Variants in TELO2 observed in about 807,000 individuals in gnomAD.
The protein encoded by TELO2 is telomere length regulation protein TEL2 homolog.
TELO2 carries 71 observed loss-of-function variants against 91.0 expected under a neutral mutation model. The ratio of observed to expected loss-of-function variants is 0.78; its 90% CI spans 0.64 to 0.95. The LOEUF (loss-of-function observed/expected upper bound fraction) is 0.95. Among genes scored for constraint, TELO2 ranks in the 40% least tolerant of loss-of-function variants. The probability of loss-of-function intolerance (pLI) is 0.00; values close to 1 mark genes in which losing one functional copy is unlikely to be tolerated. For synonymous variants in TELO2, 584 were observed against 518.9 expected, an observed-to-expected ratio of 1.13 and a Z score of -1.71; for missense variants, 1,183 against 1,141.3, an observed-to-expected ratio of 1.04 and a Z score of -0.53.
intron 3 of TELO2, among the ~76,000 whole-genome samples, chr16:1,496,084 G>A (rs72779272): frequency 0.31 from 47,241 of 152,176 alleles, 7,528 homozygotes; most frequent in Non-Finnish European, 0.35. Context: ...TGGGCCGGGG[G>A]CCTGCACAGC....
At position 1,494,567 on chromosome 16, in the gene TELO2, G is replaced by T; in HGVS notation, c.286G>T (p.Ala96Ser). Residue 96 changes from alanine to serine, a missense_variant, in exon 2 of 21, where the codon GCG becomes TCG. Transcript: ENST00000262319. The surrounding 1 kb of genome is among the most constrained non-coding windows in gnomAD (Gnocchi z 5.6). ...LWASFFLEGPADQAFLVLMET... is the reference protein window; with the variant it reads ...LWASFFLEGPSDQAFLVLMET... ...GGCCAGCTTCTTCCTGGAGGGCCCG[G>T]CGGACCAAGCCTTCCTGGTGTTGAT... 2 of 1,613,564 alleles carry T rather than the reference G, an allele frequency of 1.2e-6. No individual in the cohort carries two copies. Among genetic ancestry groups the T allele is most frequent in the Non-Finnish European group, 1.7e-6 (2 of 1,179,950 alleles).
At chr16:1,509,756 C>A in intron 20 of TELO2, 74 bp from the exon 21 acceptor site, 1 of 1,409,472 alleles carries the variant, frequency 7.1e-7, no homozygotes, top group Non-Finnish European at 9.7e-7. Flanking sequence ...CTGGTTCAGG[C>A]AGACTGAAGA....
At chr16:1,496,810 A>G (rs1035517454) in intron 3 of TELO2, among the ~76,000 whole-genome samples, 1 of 152,218 alleles carries the variant, frequency 6.6e-6, no homozygotes, top group African/African-American at 2.4e-5. Context: ...CGTGACGATT[A>G]AGTGGGCTAA....
chr16:1,505,656 A>AT lies in TELO2; in HGVS notation c.2034+55_2034+56insT. 8 of 1,436,290 alleles carry AT rather than the reference A, an allele frequency of 5.6e-6. No individual in the cohort carries two copies. The highest frequency in any genetic ancestry group is 7.6e-6 in the Non-Finnish European group (8 of 1,046,414). 89.0% of individuals were successfully genotyped at this position (1,436,290 alleles called of 1,614,324 possible). A position where few individuals can be genotyped will look rare whatever the true frequency, so the allele number is the denominator to read the frequency against. On this transcript the variant is annotated intron_variant, in intron 16 of 20. Transcript: ENST00000262319. This position sits in a 1 kb window ranked among gnomAD's most constrained non-coding sequence, Gnocchi z 4.3. The stretch of plus-strand genomic sequence containing the variant: ...GCATGGGGACCGTGGGTGGGTGGGA[A>AT]GGGCGGTCAGACACCTCCAGGCGCT...
At chr16:1,506,582 G>T (rs1163594763) in intron 17 of TELO2, 1 of 1,406,680 alleles carries the variant, frequency 7.1e-7, no homozygotes, top group Non-Finnish European at 9.2e-7. Flanking sequence ...AGTGCCGCCC[G>T]CACGTGCCCG....
intron 18 of TELO2, 23 bp from the exon 19 acceptor site, chr16:1,507,283 A>G (rs1286819528): frequency 1.9e-6 from 3 of 1,605,622 alleles, no homozygotes; most frequent in Non-Finnish European, 2.5e-6. Flanking sequence ...GACCCCACTG[A>G]CTGTCCCTCT....
chr16:1,496,635 C>T (rs550036602), intron 3 of TELO2, among the ~76,000 whole-genome samples: 3 of 152,306 alleles, frequency 2.0e-5, no homozygotes, highest in East Asian at 1.9e-4. Flanking sequence ...CCCTGGAGTG[C>T]GCTCCTTCCC....
Position 1,494,375 on chromosome 16 carries a change from C to T in TELO2, c.94C>T (p.Leu32=), listed in dbSNP as rs762117786. ...GGATGGCGGCCACATCTTCTGCACC[C>T]TGGAGTCCCTGAAGCGGTATCTCGG... ...SEDGGHIFCT[L]ESLKRYLGEM... is the part of the protein sequence containing the mutation. Residue 32 remains leucine, a synonymous_variant, in exon 2 of 21, where the codon CTG becomes TTG. Transcript: ENST00000262319. The surrounding 1 kb of genome is among the most constrained non-coding windows in gnomAD (Gnocchi z 5.6). 1 of 1,613,496 alleles carries T rather than the reference C, an allele frequency of 6.2e-7. No individual in the cohort carries two copies. The highest frequency in any genetic ancestry group is 1.3e-5 in the African/African-American group (1 of 74,882).
chr16:1,507,558 G>A (rs1254117710), intron 19 of TELO2, 43 bp from the exon 20 acceptor site: 1 of 1,538,740 alleles, frequency 6.5e-7, no homozygotes, highest in Admixed American at 1.9e-5. Context: ...GAGGTCTGGG[G>A]TGTGGTCCCT....
Position 1,500,073 on chromosome 16 carries a change from A to C in TELO2, c.934-23A>C, listed in dbSNP as rs761161192. On this transcript the variant is annotated intron_variant, in intron 6 of 20. Coordinates refer to ENST00000262319, the MANE Select transcript of TELO2 (RefSeq NM_016111.4). ...CCAGGCGGCGGCCTCAGCCCAGTGGACAGGCATGTGCTTTTATTGCAGACG... is the reference window on the plus strand; with the variant it reads ...CCAGGCGGCGGCCTCAGCCCAGTGGCCAGGCATGTGCTTTTATTGCAGACG... The C allele has an allele frequency of 4.4e-6, 7 of 1,603,668 alleles. No homozygotes were observed. In the African/African-American group the frequency reaches 8.0e-5, roughly 18 times the overall value.
At chr16:1,501,285 G>T in intron 9 of TELO2, 135 bp from the exon 10 acceptor site, 1 of 895,540 alleles carries the variant, frequency 1.1e-6, no homozygotes, top group East Asian at 2.7e-5. Flanking sequence ...AAAGACACCT[G>T]GCTATCCAGG....
At chr16:1,500,943 C>T (rs2039656832) in intron 9 of TELO2, among the ~76,000 whole-genome samples, 1 of 152,242 alleles carries the variant, frequency 6.6e-6, no homozygotes, top group African/African-American at 2.4e-5. Flanking sequence ...CACAGACTCT[C>T]TCTAGACGGG....
intron 12 of TELO2, 83 bp downstream of exon 12, chr16:1,502,218 G>A: frequency 6.3e-7 from 1 of 1,585,068 alleles, no homozygotes; most frequent in South Asian, 1.1e-5. Context: ...GGGCCACCGG[G>A]AAGCCCTGGG....
intron 6 of TELO2, among the ~76,000 whole-genome samples, chr16:1,499,685 G>A (rs2039607884): frequency 6.6e-6 from 1 of 152,190 alleles, no homozygotes. Flanking sequence ...CCGTCCCCAT[G>A]GCCTGGAGCC....
intron 12 of TELO2, 57 bp downstream of exon 12, chr16:1,502,192 C>T: frequency 6.2e-7 from 1 of 1,601,524 alleles, no homozygotes. Flanking sequence ...CGCTCACAGC[C>T]TGGTTCTGCC....
rs1228214380 is a variant in TELO2, at chr16:1,506,230, T to C, written c.2035-8T>C. The C allele has an allele frequency of 6.2e-7, 1 of 1,613,336 alleles. No homozygotes were observed. On this transcript the variant is annotated splice_region_variant and splice_polypyrimidine_tract_variant and intron_variant, in intron 16 of 20. Transcript: ENST00000262319. ...CACCTCCGTGATCGCTGTAGTTGTG[T>C]CTGGCAGGGTGGCCCGAGGCAGGGC...
intron 19 of TELO2, 51 bp downstream of exon 19, chr16:1,507,421 G>A (rs773409591): frequency 1.2e-6 from 2 of 1,600,110 alleles, no homozygotes; most frequent in Non-Finnish European, 1.7e-6. Flanking sequence ...CAGACACAGG[G>A]GTCTTATTGT....
At chr16:1,498,469 G>A (rs889434965) in intron 5 of TELO2, among the ~76,000 whole-genome samples, 1 of 152,044 alleles carries the variant, frequency 6.6e-6, no homozygotes, top group African/African-American at 2.4e-5. Context: ...ACAGGATCTT[G>A]CTCTGTCTCC....
intron 15 of TELO2, among the ~76,000 whole-genome samples, chr16:1,503,637 G>A (rs912537433): frequency 2.6e-5 from 4 of 152,186 alleles, no homozygotes; most frequent in Admixed American, 6.5e-5. Context: ...TATATCGTTC[G>A]ATTTCACTTA....
Sources: allele counts gnomAD v4.1 joint callset (sites outside exome capture counted in the v4.1 genomes callset), GRCh38; gene constraint gnomAD v4.1.1; non-coding constraint Gnocchi (gnomAD v3.1); transcripts MANE v1.5; gene names NCBI Gene and HGNC (gene_info 2026-07-23, HGNC 2026-07-21).